DMD: variants seen among roughly 807,000 people sequenced by gnomAD.
DMD encodes mutant dystrophin.
A neutral mutation model predicts 330.1 loss-of-function variants in DMD; 63 were observed. The ratio of observed to expected loss-of-function variants is 0.19; its 90% CI spans 0.16 to 0.24. The LOEUF is 0.24. Ranked by LOEUF, DMD falls within the 10% of genes least tolerant of loss-of-function variation. DMD has a pLI of 1.00. For synonymous variants in DMD, 1,223 were observed against 959.8 expected (o/e 1.27, Z -5.07); for missense variants, 3,344 against 2,684.1 (o/e 1.25, Z -5.43).
chrX:31,674,003 A>C (rs1186025332), intron 53 of DMD, among the ~76,000 whole-genome samples: 2 of 112,036 alleles, frequency 1.8e-5, no homozygotes, highest in Non-Finnish European at 3.8e-5. Context: ...AATAAAGAAA[A>C]TACATGAAGA....
chrX:32,491,664 T>C, intron 19 of DMD, 146 bp from the exon 20 acceptor site: 2 of 571,014 alleles, frequency 3.5e-6, no homozygotes, highest in East Asian at 3.7e-5. Flanking sequence ...TATAAATGTG[T>C]AAATATGATT....
chrX:31,379,465 C>T (rs1433628150), intron 60 of DMD, among the ~76,000 whole-genome samples: 2 of 111,511 alleles, frequency 1.8e-5, no homozygotes, highest in Non-Finnish European at 3.8e-5. Context: ...AGATGCTTTA[C>T]AGCCCTAGAC....
intron 1 of DMD, among the ~76,000 whole-genome samples, chrX:33,290,205 T>C (rs747532729): frequency 9.0e-6 from 1 of 111,626 alleles, no homozygotes; most frequent in Non-Finnish European, 1.9e-5. Flanking sequence ...ACAGTGTCTA[T>C]TGTTACTATT....
At position 31,708,012 on chromosome X, in the gene DMD, CAGT is replaced by C. The variant is rs1336365616; in HGVS notation, c.7660+21616_7660+21618del. The stretch of plus-strand genomic sequence containing the variant: ...TGTGTTCAAATTTATATGTTCCAGA[CAGT>C]AGAAACAAAAAGCAAATCCTTAATG... On this transcript the variant is annotated intron_variant, in intron 52 of 78. Coordinates refer to ENST00000357033, the MANE Select transcript of DMD (RefSeq NM_004006.3). Among the ~76,000 whole-genome samples, 7 of 111,751 alleles carry C rather than the reference CAGT, an allele frequency of 6.3e-5. No individual in the cohort carries two copies. The East Asian group carries it at 2.0e-3, about 31-fold the overall frequency.
chrX:32,856,171 C>T (rs778722629), intron 2 of DMD, among the ~76,000 whole-genome samples: 25 of 111,750 alleles, frequency 2.2e-4, no homozygotes, highest in Non-Finnish European at 3.8e-4. Flanking sequence ...AATGCTGATG[C>T]GGCTGTGTGG....
intron 1 of DMD, among the ~76,000 whole-genome samples, chrX:33,107,851 T>A (rs1824212395): frequency 8.9e-6 from 1 of 111,793 alleles, no homozygotes; most frequent in Non-Finnish European, 1.9e-5. Context: ...GTGAATTTCA[T>A]AGTACTGTAT....
At chrX:31,487,295 GTCAC>G (rs1338203833) in intron 57 of DMD, among the ~76,000 whole-genome samples, 1 of 105,024 alleles carries the variant, frequency 9.5e-6, no homozygotes, top group Non-Finnish European at 1.9e-5. Context: ...GTCTCGCTCT[GTCAC>G]TCAGGCTGGA....
chrX:32,719,969 CATAT>C (rs58382484), intron 7 of DMD, among the ~76,000 whole-genome samples: 2,543 of 103,317 alleles, frequency 0.025, 75 homozygotes, highest in African/African-American at 0.083. Context: ...TTCATTCATT[CATAT>C]ATATATATAT....
At chrX:32,941,737 C>G (rs760128923) in intron 2 of DMD, among the ~76,000 whole-genome samples, 55 of 110,953 alleles carry the variant, frequency 5.0e-4, no homozygotes, top group African/African-American at 1.7e-3. Context: ...ATCATTCGTA[C>G]CCCAAACCCC....
intron 44 of DMD, among the ~76,000 whole-genome samples, chrX:31,989,924 T>C (rs1462221307): frequency 9.0e-6 from 1 of 111,137 alleles, no homozygotes; most frequent in African/African-American, 3.3e-5. Flanking sequence ...GTGAACATAG[T>C]ACCCAACAGG....
At chrX:32,701,500 G>T (rs2064128408) in intron 7 of DMD, among the ~76,000 whole-genome samples, 1 of 111,455 alleles carries the variant, frequency 9.0e-6, no homozygotes, top group Non-Finnish European at 1.9e-5. Context: ...CAATTCATTT[G>T]ATAATTGTTT....
intron 76 of DMD, among the ~76,000 whole-genome samples, chrX:31,136,137 T>C (rs766571043): frequency 1.8e-5 from 2 of 111,208 alleles, no homozygotes; most frequent in South Asian, 7.7e-4. Context: ...ATAAAAAGCC[T>C]CAGACTACAT....
intron 7 of DMD, among the ~76,000 whole-genome samples, chrX:32,802,299 G>A (rs1161536708): frequency 1.8e-5 from 2 of 111,623 alleles, no homozygotes; most frequent in East Asian, 2.8e-4. Flanking sequence ...CTCATGATTT[G>A]GCTGTTTATT....
chrX:33,033,709 C>G (rs1021228029), intron 1 of DMD, among the ~76,000 whole-genome samples: 11 of 109,208 alleles, frequency 1.0e-4, no homozygotes, highest in African/African-American at 3.0e-4. Context: ...CAGAGCGAGA[C>G]TCCGTCTCAA....
intron 2 of DMD, among the ~76,000 whole-genome samples, chrX:32,968,520 A>T (rs1045791869): frequency 8.9e-6 from 1 of 111,851 alleles, no homozygotes; most frequent in Non-Finnish European, 1.9e-5. Flanking sequence ...ATAAATGCAT[A>T]TATACAAAGT....
At chrX:32,412,159 T>C in intron 29 of DMD, 2 of 1,126,810 alleles carry the variant, frequency 1.8e-6, no homozygotes, top group Non-Finnish European at 2.4e-6. Flanking sequence ...CAATATCACG[T>C]ACATTAAGGA....
intron 7 of DMD, among the ~76,000 whole-genome samples, chrX:32,734,200 C>G (rs1000395960): frequency 2.8e-5 from 3 of 108,209 alleles, no homozygotes; most frequent in African/African-American, 1.0e-4. Flanking sequence ...TACACTCTCC[C>G]AAGACTAAAC....
At chrX:31,997,127 C>T (rs191433346) in intron 44 of DMD, among the ~76,000 whole-genome samples, 1 of 111,643 alleles carries the variant, frequency 9.0e-6, no homozygotes, top group African/African-American at 3.2e-5. Context: ...AATTCTGCTG[C>T]CTGCATTGGC....
At chrX:31,659,378 T>C (rs747790870) in intron 53 of DMD, among the ~76,000 whole-genome samples, 2 of 110,819 alleles carry the variant, frequency 1.8e-5, no homozygotes, top group East Asian at 2.8e-4. Context: ...CGGTGGCTCA[T>C]GCCTGTAATC....
Sources: gnomAD v4.1 joint callset for allele counts (sites outside exome capture counted in the v4.1 genomes callset) on GRCh38, gnomAD v4.1.1 for gene constraint, MANE v1.5 for transcripts, NCBI Gene and HGNC (gene_info 2026-07-23, HGNC 2026-07-21) for gene names.